The following XPO6 variants were observed in gnomAD, a reference collection of about 807,000 sequenced individuals.
The protein encoded by XPO6 is exportin-6.
A neutral mutation model predicts 130.0 loss-of-function variants in XPO6; 3 were observed. That is an observed-to-expected ratio of 0.02 (90% CI 0.01 to 0.06). The LOEUF (loss-of-function observed/expected upper bound fraction) is 0.06, where lower values mean the gene tolerates loss of function less well. Among genes scored for constraint, XPO6 ranks in the 10% least tolerant of loss-of-function variants. The pLI is 1.00. For missense variants in XPO6, 970 were observed against 1,393.0 expected (o/e 0.70, Z 4.83); for synonymous variants, 524 against 548.9 (o/e 0.95, Z 0.63).
rs750390011 is a variant in XPO6 at position 28,125,826 on chromosome 16, C to T, written c.1629G>A (p.Ala543=). Reference sequence around the variant, plus strand: ...AGTGCAGCCGCCGGCAGTCGTTCTCCGCCGTGATGTTCAACCTGTGTCCTG... The same window carrying T: ...AGTGCAGCCGCCGGCAGTCGTTCTCTGCCGTGATGTTCAACCTGTGTCCTG... ...SGSGHRLNIT[A]ENDCRRLHCS... is the part of the protein sequence containing the mutation. The change falls in exon 13 of 24, where the codon GCG becomes GCA. Residue 543 remains alanine (A), a synonymous_variant. Coordinates refer to ENST00000304658, the MANE Select transcript of XPO6 (RefSeq NM_015171.4). 2.0e-5 allele frequency: 33 copies of T among 1,613,900 alleles called. No homozygotes were observed. The highest frequency in any genetic ancestry group is 1.1e-4 in the East Asian group (5 of 44,898).
intron 8 of XPO6, among the ~76,000 whole-genome samples, chr16:28,148,879 T>C (rs1347254368): frequency 6.6e-6 from 1 of 151,664 alleles, no homozygotes; most frequent in Non-Finnish European, 1.5e-5. Context: ...CTATCTCTAC[T>C]AAAAATACAA....
intron 2 of XPO6, among the ~76,000 whole-genome samples, chr16:28,178,488 G>A (rs1164437242): frequency 6.6e-6 from 1 of 151,886 alleles, no homozygotes; most frequent in Non-Finnish European, 1.5e-5. Flanking sequence ...AGGAGACCTT[G>A]CTCTGTTGCC....
At chr16:28,165,855 A>G (rs1363920492) in intron 6 of XPO6, among the ~76,000 whole-genome samples, 5 of 152,248 alleles carry the variant, frequency 3.3e-5, no homozygotes, top group African/African-American at 4.8e-5. Context: ...GTTCCTGTTC[A>G]GATGCAATTT....
chr16:28,122,122 T>C (rs529802745), intron 13 of XPO6, among the ~76,000 whole-genome samples: 32 of 152,216 alleles, frequency 2.1e-4, no homozygotes, highest in Non-Finnish European at 3.7e-4. Context: ...TAAATATACA[T>C]ACAGAATACA....
rs759846183 is a variant in XPO6 at position 28,101,327 on chromosome 16, G to A, written c.3276+131C>T. Reference sequence around the variant, plus strand: ...CACCAGGTCAGCAGGCATCTCGTGAGCTGCCGCCAAGCTGCAGGGTGGGCA... The same window carrying A: ...CACCAGGTCAGCAGGCATCTCGTGAACTGCCGCCAAGCTGCAGGGTGGGCA... On this transcript the variant is annotated intron_variant, in intron 23 of 23. Coordinates refer to ENST00000304658, the MANE Select transcript of XPO6 (RefSeq NM_015171.4). This position sits in a 1 kb window ranked among gnomAD's most constrained non-coding sequence, Gnocchi z 5.4. 251 of 782,456 alleles carry A rather than the reference G, an allele frequency of 3.2e-4. 1 individual carries two copies. The highest frequency in any genetic ancestry group is 4.8e-4 in the Non-Finnish European group (217 of 453,024). 48.5% of individuals were successfully genotyped at this position (782,456 alleles called of 1,614,324 possible). A position where few individuals can be genotyped will look rare whatever the true frequency, so the allele number is the denominator to read the frequency against.
intron 1 of XPO6, among the ~76,000 whole-genome samples, chr16:28,190,386 A>T (rs1247232393): frequency 6.6e-6 from 1 of 151,618 alleles, no homozygotes; most frequent in Non-Finnish European, 1.5e-5. Flanking sequence ...CACCTGGCTA[A>T]TTTTTTTTGA....
intron 1 of XPO6, among the ~76,000 whole-genome samples, chr16:28,198,670 T>A (rs1017426282): frequency 3.4e-5 from 5 of 148,276 alleles, no homozygotes; most frequent in Non-Finnish European, 6.0e-5. Flanking sequence ...TTTTAAAATT[T>A]AAAAAAAAAA....
At chr16:28,193,174 TCA>T (rs1297664678) in intron 1 of XPO6, among the ~76,000 whole-genome samples, 1 of 152,200 alleles carries the variant, frequency 6.6e-6, no homozygotes. Flanking sequence ...AAATTCATGT[TCA>T]GTCACGTTCC....
At chr16:28,104,429 A>G in intron 21 of XPO6, 117 bp downstream of exon 21, 1 of 1,270,710 alleles carries the variant, frequency 7.9e-7, no homozygotes, top group South Asian at 1.5e-5. Flanking sequence ...TAACTTCATC[A>G]ATACTAACAG....
At chr16:28,098,731 G>T in intron 23 of XPO6, 92 bp from the exon 24 acceptor site, 2 of 862,670 alleles carry the variant, frequency 2.3e-6, no homozygotes, top group South Asian at 1.8e-5. Context: ...AGTGTGCACT[G>T]AAGATAGGGG....
At chr16:28,158,404 CAT>C (rs1399847826) in intron 6 of XPO6, among the ~76,000 whole-genome samples, 16 of 152,314 alleles carry the variant, frequency 1.1e-4, no homozygotes, top group South Asian at 4.1e-4. Flanking sequence ...CACTAAGCCA[CAT>C]GTTAGAGATT....
intron 21 of XPO6, among the ~76,000 whole-genome samples, chr16:28,103,023 G>A (rs1264986413): frequency 6.6e-6 from 1 of 152,104 alleles, no homozygotes; most frequent in Non-Finnish European, 1.5e-5. Context: ...TTAAAGTTAG[G>A]TTCATGGAAG....
intron 15 of XPO6, among the ~76,000 whole-genome samples, chr16:28,115,164 G>GA (rs1270921475): frequency 1.3e-5 from 2 of 152,162 alleles, no homozygotes; most frequent in African/African-American, 4.8e-5. Context: ...CTGCTTCCAT[G>GA]AATCATGAAT....
chr16:28,201,685 T>C (rs1368895473), intron 1 of XPO6, among the ~76,000 whole-genome samples: 5 of 151,886 alleles, frequency 3.3e-5, no homozygotes, highest in Non-Finnish European at 7.4e-5. Flanking sequence ...TGAAACCCCA[T>C]CTCTACTAAA....
chr16:28,122,523 G>A (rs1248219319), intron 13 of XPO6, among the ~76,000 whole-genome samples: 5 of 152,012 alleles, frequency 3.3e-5, no homozygotes, highest in African/African-American at 1.2e-4. Context: ...GCTAAGTAGG[G>A]AGGACTGCTT....
At chr16:28,127,349 C>A (rs569536644) in intron 12 of XPO6, among the ~76,000 whole-genome samples, 1 of 152,172 alleles carries the variant, frequency 6.6e-6, no homozygotes, top group Non-Finnish European at 1.5e-5. Flanking sequence ...CCTTGGCACC[C>A]GTGCCCATAA....
intron 1 of XPO6, among the ~76,000 whole-genome samples, chr16:28,194,609 G>A (rs1349169494): frequency 6.6e-6 from 1 of 152,058 alleles, no homozygotes; most frequent in African/African-American, 2.4e-5. Flanking sequence ...GAATCCCTAT[G>A]GGCCTACAGA....
intron 15 of XPO6, among the ~76,000 whole-genome samples, chr16:28,114,175 T>C (rs1219316898): frequency 1.8e-5 from 2 of 114,156 alleles, no homozygotes; most frequent in Non-Finnish European, 3.6e-5. Flanking sequence ...TTTCTAGCAA[T>C]AGGAAAATTA....
chr16:28,209,368 G>T (rs1043710441), intron 1 of XPO6, among the ~76,000 whole-genome samples: 3 of 152,046 alleles, frequency 2.0e-5, no homozygotes, highest in African/African-American at 7.2e-5. Context: ...GGCCGGGCGC[G>T]ATGGCTCATG....
Sources: allele counts gnomAD v4.1 joint callset (sites outside exome capture counted in the v4.1 genomes callset), GRCh38; gene constraint gnomAD v4.1.1; non-coding constraint Gnocchi (gnomAD v3.1); transcripts MANE v1.5; gene names NCBI Gene and HGNC (gene_info 2026-07-23, HGNC 2026-07-21).